TACC2: variants seen among roughly 807,000 people sequenced by gnomAD.
TACC2 encodes the protein transforming acidic coiled-coil containing protein 2, also known as transforming acidic coiled-coil-containing protein 2.
A neutral mutation model predicts 227.3 loss-of-function variants in TACC2; 137 were observed. The ratio of observed to expected loss-of-function variants is 0.60; its 90% CI spans 0.52 to 0.69. The LOEUF (loss-of-function observed/expected upper bound fraction) is 0.69. Ranked by LOEUF, TACC2 falls within the 30% of genes least tolerant of loss-of-function variation. TACC2 has a pLI of 0.00. For synonymous variants in TACC2, 1,523 were observed against 1,487.5 expected (o/e 1.02, Z -0.55); for missense variants, 3,470 against 3,694.4 (o/e 0.94, Z 1.57).
intron 3 of TACC2, among the ~76,000 whole-genome samples, chr10:122,061,761 G>A (rs1468947381): frequency 6.6e-6 from 1 of 152,106 alleles, no homozygotes; most frequent in Non-Finnish European, 1.5e-5. Flanking sequence ...GCATGCAAAT[G>A]AATAATTCTA....
In TACC2 at chr10:122,195,160, A is replaced by T; in HGVS notation, c.5955A>T (p.Pro1985=). 6.7e-7 allele frequency: 1 copy of T among 1,482,080 alleles called. No homozygotes were observed. The highest frequency in any genetic ancestry group is 9.1e-7 in the Non-Finnish European group (1 of 1,102,106). The allele number at this position is 1,482,080 out of a possible 1,614,324, so 91.8% of individuals were successfully genotyped here. The change falls in exon 8 of 23, where the codon CCA becomes CCT. Residue 1985 remains proline, a synonymous_variant. Transcript: ENST00000369005. ...VIPEPEVSTQ[P]PPEEPGCGSE... is the part of the protein sequence containing the mutation. Reference sequence around the variant, plus strand: ...CAGAACCCGAGGTCAGCACACAGCCACCCCCGGAAGAACCAGGTAACCAAG... The same window carrying T: ...CAGAACCCGAGGTCAGCACACAGCCTCCCCCGGAAGAACCAGGTAACCAAG...
intron 2 of TACC2, among the ~76,000 whole-genome samples, chr10:122,048,730 AC>A (rs1160801288): frequency 2.0e-5 from 3 of 152,218 alleles, no homozygotes; most frequent in Admixed American, 1.3e-4. Context: ...GAAGAGTGCC[AC>A]CTTCTGATTT....
intron 6 of TACC2, among the ~76,000 whole-genome samples, chr10:122,137,937 A>C (rs1057190012): frequency 3.9e-5 from 6 of 152,222 alleles, no homozygotes; most frequent in Non-Finnish European, 7.3e-5. Context: ...GACTTTGGAC[A>C]GAAGGAGGTG....
intron 1 of TACC2, among the ~76,000 whole-genome samples, chr10:122,014,208 A>G (rs1278334520): frequency 6.6e-6 from 1 of 150,618 alleles, no homozygotes; most frequent in Non-Finnish European, 1.5e-5. Context: ...CTTACCATTG[A>G]TGAAATGAGA....
intron 8 of TACC2, among the ~76,000 whole-genome samples, chr10:122,198,051 C>T (rs1204224887): frequency 2.0e-5 from 3 of 152,238 alleles, no homozygotes; most frequent in Admixed American, 6.5e-5. Flanking sequence ...GTGGGAACCA[C>T]GTGAATTAAT....
At chr10:122,191,648 T>G (rs779152756) in intron 7 of TACC2, among the ~76,000 whole-genome samples, 9 of 152,248 alleles carry the variant, frequency 5.9e-5, no homozygotes, top group Non-Finnish European at 1.0e-4. Flanking sequence ...GTTTACACTA[T>G]AGAAATATAG....
intron 3 of TACC2, among the ~76,000 whole-genome samples, chr10:122,075,124 G>T (rs113462952): frequency 6.6e-6 from 1 of 151,440 alleles, no homozygotes; most frequent in Admixed American, 6.6e-5. Context: ...AGGGCAACCC[G>T]CTCGGGTCCC....
chr10:122,175,832 T>C (rs1004293422), intron 7 of TACC2, among the ~76,000 whole-genome samples: 1 of 152,206 alleles, frequency 6.6e-6, no homozygotes, highest in African/African-American at 2.4e-5. Context: ...TTCAGGAGGC[T>C]GAGGCAGGTG....
At chr10:122,081,699 G>A (rs1160092133) in intron 3 of TACC2, among the ~76,000 whole-genome samples, 2 of 151,802 alleles carry the variant, frequency 1.3e-5, no homozygotes, top group Non-Finnish European at 2.9e-5. Context: ...ACTTTTTTTC[G>A]CCACACATTA....
At chr10:122,208,999 G>A (rs976442480) in intron 8 of TACC2, among the ~76,000 whole-genome samples, 1 of 152,260 alleles carries the variant, frequency 6.6e-6, no homozygotes, top group African/African-American at 2.4e-5. Context: ...GCCAAAGCTG[G>A]GGCTGGCCGG....
At chr10:121,999,016 T>C (rs552205870) in intron 1 of TACC2, among the ~76,000 whole-genome samples, 12 of 151,524 alleles carry the variant, frequency 7.9e-5, no homozygotes, top group African/African-American at 2.4e-4. Context: ...TTCTTTCTTT[T>C]TTTTTTTTTT....
At chr10:122,201,624 G>C (rs1338588687) in intron 8 of TACC2, among the ~76,000 whole-genome samples, 7 of 152,218 alleles carry the variant, frequency 4.6e-5, no homozygotes, top group African/African-American at 1.4e-4. Flanking sequence ...TGACCTCGCT[G>C]GAGGGGCTTG....
chr10:122,099,235 C>A (rs1218841698), intron 5 of TACC2, among the ~76,000 whole-genome samples: 1 of 152,230 alleles, frequency 6.6e-6, no homozygotes, highest in African/African-American at 2.4e-5. Context: ...AGTGACGAAG[C>A]AGCTGGTATT....
intron 1 of TACC2, among the ~76,000 whole-genome samples, chr10:121,992,350 T>C (rs756381207): frequency 1.6e-4 from 25 of 152,356 alleles, no homozygotes; most frequent in Middle Eastern, 3.4e-3. Flanking sequence ...AGTGCTAATG[T>C]GAAAACACGC....
intron 5 of TACC2, among the ~76,000 whole-genome samples, chr10:122,108,397 T>A (rs990456194): frequency 4.7e-5 from 7 of 150,354 alleles, no homozygotes; most frequent in African/African-American, 1.7e-4. Context: ...TTTCTCTCTC[T>A]CTCTATGTGT....
At chr10:122,011,319 G>T (rs372791723) in intron 1 of TACC2, among the ~76,000 whole-genome samples, 16 of 152,166 alleles carry the variant, frequency 1.1e-4, no homozygotes, top group African/African-American at 3.6e-4. Context: ...TATGTTTTTT[G>T]TTTGTTTGTT....
At chr10:122,003,886 G>C (rs1449297430) in intron 1 of TACC2, among the ~76,000 whole-genome samples, 1 of 151,992 alleles carries the variant, frequency 6.6e-6, no homozygotes, top group Non-Finnish European at 1.5e-5. Flanking sequence ...TCGATCTCCT[G>C]ATGTCATGAT....
chr10:122,123,323 TACTC>T, intron 5 of TACC2, among the ~76,000 whole-genome samples: 1 of 152,144 alleles, frequency 6.6e-6, no homozygotes, highest in African/African-American at 2.4e-5. Context: ...GAAATCTTGT[TACTC>T]ACCTGGCCCC....
chr10:122,224,860 G>C (rs1329642385), intron 12 of TACC2, 73 bp downstream of exon 12: 2 of 1,258,892 alleles, frequency 1.6e-6, no homozygotes, highest in Non-Finnish European at 2.3e-6. Flanking sequence ...CCTGTGCAGA[G>C]TGTCTCTGGG....
Sources: gnomAD v4.1 joint callset for allele counts (sites outside exome capture counted in the v4.1 genomes callset) on GRCh38, gnomAD v4.1.1 for gene constraint, MANE v1.5 for transcripts, NCBI Gene and HGNC (gene_info 2026-07-23, HGNC 2026-07-21) for gene names.